The following LSM2 variants were observed in gnomAD, a reference collection of about 807,000 sequenced individuals.
LSM2 encodes LSM2 homolog, U6 small nuclear RNA and mRNA degradation associated, also known as U6 snRNA-associated Sm-like protein LSm2.
Under a neutral mutation model 17.0 loss-of-function variants are expected in LSM2, and 12 were observed. The observed-to-expected ratio is 0.70, with a 90% confidence interval of 0.45 to 1.14. LSM2 has a LOEUF of 1.14. Ranked by LOEUF, LSM2 falls within the 50% of genes most tolerant of loss-of-function variation. The probability of loss-of-function intolerance (pLI) is 0.00; values close to 1 mark genes in which losing one functional copy is unlikely to be tolerated. For synonymous variants in LSM2, 42 were observed against 44.5 expected (o/e 0.94, Z 0.22); for missense variants, 62 against 111.8 (o/e 0.55, Z 2.01).
Position 31,797,776 on chromosome 6 carries a change from GCTTC to G in LSM2, c.265_268del (p.Glu89ProfsTer22). 6.2e-7 allele frequency: 1 copy of G among 1,612,956 alleles called. No homozygotes were observed. Among genetic ancestry groups the G allele is most frequent in the South Asian group, 1.1e-5 (1 of 91,084 alleles). ...GAGCCATCACTGTTTCTGCTGCAGGGCTTCCTTCCTTGCCGCATCCTGTAGCAAC... is the reference window on the plus strand; with the variant it reads ...GAGCCATCACTGTTTCTGCTGCAGGGCTTCCTTGCCGCATCCTGTAGCAAC... On this transcript the variant is annotated frameshift_variant, in exon 5 of 5. Coordinates refer to ENST00000375661, the MANE Select transcript of LSM2 (RefSeq NM_021177.5). LOFTEE classifies it high-confidence loss of function.
rs1377918200 is a variant in LSM2, at chr6:31,798,050, C to A, written c.103-1G>T. On this transcript the variant is annotated splice_acceptor_variant, in intron 3 of 4. Coordinates refer to ENST00000375661, the MANE Select transcript of LSM2 (RefSeq NM_021177.5). LOFTEE classifies it high-confidence loss of function. Reference sequence around the variant, plus strand: ...TGTCAGTTAGTTTGATGTTGAGATACTAGGAAAGGAAGATGAACACCATTA... The same window carrying A: ...TGTCAGTTAGTTTGATGTTGAGATAATAGGAAAGGAAGATGAACACCATTA... 1 of 1,589,228 alleles carries A rather than the reference C, an allele frequency of 6.3e-7. No individual in the cohort carries two copies. The highest frequency in any genetic ancestry group is 8.5e-7 in the Non-Finnish European group (1 of 1,171,602).
At chr6:31,800,669 C>T (rs1225941765) in intron 2 of LSM2, among the ~76,000 whole-genome samples, 4 of 151,968 alleles carry the variant, frequency 2.6e-5, no homozygotes, top group African/African-American at 9.7e-5. Flanking sequence ...GGGTGGATCA[C>T]GAGGTCAGGA....
chr6:31,805,991 G>T, intron 2 of LSM2, 84 bp downstream of exon 2: 1 of 1,227,688 alleles, frequency 8.1e-7, no homozygotes, highest in Non-Finnish European at 1.2e-6. Context: ...ACCTCGCCTA[G>T]CCCTGAAATA....
chr6:31,799,823 C>T (rs1562324717), intron 2 of LSM2, among the ~76,000 whole-genome samples: 1 of 152,068 alleles, frequency 6.6e-6, no homozygotes, highest in Non-Finnish European at 1.5e-5. Context: ...CCCCAATCCT[C>T]GAGCCCCTTG....
intron 2 of LSM2, among the ~76,000 whole-genome samples, chr6:31,801,268 A>C (rs1308494466): frequency 1.3e-5 from 2 of 151,826 alleles, no homozygotes; most frequent in East Asian, 3.9e-4. Flanking sequence ...TTTGAGACAG[A>C]GGGTGAGTCT....
At chr6:31,800,534 C>G (rs973357687) in intron 2 of LSM2, among the ~76,000 whole-genome samples, 2 of 152,038 alleles carry the variant, frequency 1.3e-5, no homozygotes, top group African/African-American at 4.8e-5. Context: ...GGGCGGATCA[C>G]TTGAGGCCAG....
At chr6:31,798,879 G>A (rs534718380) in intron 2 of LSM2, among the ~76,000 whole-genome samples, 23 of 151,652 alleles carry the variant, frequency 1.5e-4, no homozygotes, top group African/African-American at 4.6e-4. Context: ...TAGGACTTCA[G>A]GCGCATGCCA....
At chr6:31,799,096 A>G (rs1359365807) in intron 2 of LSM2, among the ~76,000 whole-genome samples, 2 of 152,100 alleles carry the variant, frequency 1.3e-5, no homozygotes, top group Non-Finnish European at 2.9e-5. Context: ...CCTGTATTCT[A>G]TATAGTATTT....
chr6:31,804,697 C>G (rs915780317), intron 2 of LSM2, among the ~76,000 whole-genome samples: 1 of 151,992 alleles, frequency 6.6e-6, no homozygotes, highest in Admixed American at 6.6e-5. Flanking sequence ...CCCGCCTCAG[C>G]CTCCCAAAGT....
intron 2 of LSM2, among the ~76,000 whole-genome samples, chr6:31,800,582 ATC>A (rs1373268705): frequency 2.0e-5 from 3 of 151,920 alleles, no homozygotes; most frequent in Non-Finnish European, 4.4e-5. Flanking sequence ...GCGAATCCCC[ATC>A]TCTACTAAAA....
intron 2 of LSM2, among the ~76,000 whole-genome samples, chr6:31,805,842 G>A (rs1458672600): frequency 6.6e-6 from 1 of 152,020 alleles, no homozygotes; most frequent in Non-Finnish European, 1.5e-5. Context: ...CTGGGCTAGA[G>A]TGCAATGGAG....
In LSM2 at chr6:31,803,506, G is replaced by A. The variant is rs147897125; in HGVS notation, c.71+2569C>T. 1.8e-3 allele frequency among the ~76,000 whole-genome samples: 275 copies of A among 152,062 alleles called. 2 individuals carry two copies. Among genetic ancestry groups the A allele is most frequent in the Middle Eastern group, 6.8e-3 (2 of 292 alleles). The stretch of plus-strand genomic sequence containing the variant: ...TCTCAAAAAAATAAATGTGGAAGAC[G>A]CTTTTGGGAAGAGAATACAATTGAT... On this transcript the variant is annotated intron_variant, in intron 2 of 4. Transcript: ENST00000375661.
chr6:31,804,748 CCTGTT>C (rs1224109021), intron 2 of LSM2, among the ~76,000 whole-genome samples: 1 of 147,878 alleles, frequency 6.8e-6, no homozygotes, highest in Non-Finnish European at 1.5e-5. Flanking sequence ...CGGCCTATGG[CCTGTT>C]CTTTTTTTTC....
chr6:31,798,546 A>G, intron 2 of LSM2, 39 bp from the exon 3 acceptor site: 1 of 1,610,962 alleles, frequency 6.2e-7, no homozygotes. Flanking sequence ...AAATTAGTTT[A>G]TAACAAAGTC....
At chr6:31,798,371 C>G (rs1050083145) in intron 3 of LSM2, 106 bp downstream of exon 3, 1 of 1,396,438 alleles carries the variant, frequency 7.2e-7, no homozygotes, top group African/African-American at 1.4e-5. Context: ...CGTGCCTGGC[C>G]GACGAACACC....
In LSM2 at chr6:31,803,705, T is replaced by G. The variant is rs760788503; in HGVS notation, c.71+2370A>C. Among the ~76,000 whole-genome samples the G allele has an allele frequency of 1.1e-4, 16 of 151,958 alleles. 1 individual carries two copies. Among genetic ancestry groups the G allele is most frequent in the Non-Finnish European group, 1.6e-4 (11 of 68,006 alleles). On this transcript the variant is annotated intron_variant, in intron 2 of 4. Transcript: ENST00000375661. ...ATGTGATTCTCCAGCCTCAGGCTCC[T>G]GAGCAGCTAGGATTACAGGCGCACA...
intron 1 of LSM2, 154 bp downstream of exon 1, chr6:31,806,601 G>T: frequency 9.8e-7 from 1 of 1,015,870 alleles, no homozygotes; most frequent in Non-Finnish European, 1.5e-6. Flanking sequence ...TTTGTTCTCA[G>T]TGCCTCCTCA....
chr6:31,800,676 A>G, intron 2 of LSM2, among the ~76,000 whole-genome samples: 1 of 152,116 alleles, frequency 6.6e-6, no homozygotes. Context: ...TCACGAGGTC[A>G]GGAGATCGAG....
chr6:31,798,497 T>G lies in LSM2; in HGVS notation c.82A>C (p.Thr28Pro). ...CTCACCTGATCCACAGAATGGAGGG[T>G]TCCACAGATGCTGTCAAGGGCAGAG... ...ELKNDLSICG[T>P]LHSVDQYLNI... The change falls in exon 3 of 5, where the codon ACC (threonine) becomes CCC (proline). Residue 28 changes from threonine (T) to proline (P), a missense_variant. Transcript: ENST00000375661. 6.2e-7 allele frequency: 1 copy of G among 1,612,780 alleles called. No homozygotes were observed. Among genetic ancestry groups the G allele is most frequent in the East Asian group, 2.2e-5 (1 of 44,874 alleles).
Sources: allele counts gnomAD v4.1 joint callset (sites outside exome capture counted in the v4.1 genomes callset), GRCh38; gene constraint gnomAD v4.1.1; transcripts MANE v1.5; gene names NCBI Gene and HGNC (gene_info 2026-07-23, HGNC 2026-07-21).